The following ITFG1 variants were observed in gnomAD, a reference collection of about 807,000 sequenced individuals.
ITFG1 encodes the protein integrin alpha FG-GAP repeat containing 1.
Under a neutral mutation model 81.8 loss-of-function variants are expected in ITFG1, and 34 were observed. That is an observed-to-expected ratio of 0.42 (90% CI 0.32 to 0.55). ITFG1 has a LOEUF of 0.55. ITFG1 is among the 20% of genes least tolerant of loss of function. The probability of loss-of-function intolerance (pLI) is 0.17; values close to 1 mark genes in which losing one functional copy is unlikely to be tolerated. For missense variants in ITFG1, 672 were observed against 755.4 expected, an observed-to-expected ratio of 0.89 and a Z score of 1.29; for synonymous variants, 285 against 270.6, an observed-to-expected ratio of 1.05 and a Z score of -0.52.
intron 16 of ITFG1, among the ~76,000 whole-genome samples, chr16:47,159,887 T>C (rs1964773352): frequency 6.6e-6 from 1 of 152,110 alleles, no homozygotes; most frequent in African/African-American, 2.4e-5. Flanking sequence ...AACCTCAAAA[T>C]ACACCTCAAA....
intron 14 of ITFG1, among the ~76,000 whole-genome samples, chr16:47,208,118 C>T (rs1022940083): frequency 3.9e-5 from 6 of 152,158 alleles, no homozygotes; most frequent in African/African-American, 1.4e-4. Flanking sequence ...TATTCCACTA[C>T]CTTTAAAATA....
intron 7 of ITFG1, among the ~76,000 whole-genome samples, chr16:47,367,607 A>C (rs962218299): frequency 6.6e-6 from 1 of 152,236 alleles, no homozygotes; most frequent in Non-Finnish European, 1.5e-5. Context: ...TTGGTTTCTT[A>C]AGAAATCACT....
At chr16:47,311,167 T>C in intron 10 of ITFG1, 73 bp downstream of exon 10, 1 of 1,089,104 alleles carries the variant, frequency 9.2e-7, no homozygotes, top group Non-Finnish European at 1.3e-6. Flanking sequence ...ACTATTCAGT[T>C]GCAAAGTACC....
intron 7 of ITFG1, among the ~76,000 whole-genome samples, chr16:47,369,082 A>G (rs1177704160): frequency 6.6e-6 from 1 of 152,246 alleles, no homozygotes; most frequent in Non-Finnish European, 1.5e-5. Context: ...TTTAATATGT[A>G]ATGAAATGAT....
intron 8 of ITFG1, among the ~76,000 whole-genome samples, chr16:47,362,378 C>T (rs1968120722): frequency 6.6e-6 from 1 of 152,122 alleles, no homozygotes. Context: ...TATGCATATC[C>T]CACCAGACCA....
intron 12 of ITFG1, among the ~76,000 whole-genome samples, chr16:47,246,798 G>C (rs991402571): frequency 6.6e-6 from 1 of 152,094 alleles, no homozygotes; most frequent in Non-Finnish European, 1.5e-5. Flanking sequence ...AATCCTCTGT[G>C]ACCCACCCTT....
Position 47,161,745 on chromosome 16 carries a change from AT to A in ITFG1, c.1661+4del. 6.3e-7 allele frequency: 1 copy of A among 1,591,390 alleles called. No homozygotes were observed. The highest frequency in any genetic ancestry group is 8.6e-7 in the Non-Finnish European group (1 of 1,159,482). On this transcript the variant is annotated splice_donor_region_variant and intron_variant, in intron 16 of 17. Transcript: ENST00000320640. The stretch of plus-strand genomic sequence containing the variant: ...TTACCAAATCGGTTCAAGCAAGTAC[AT>A]TACCTTCGAGGGACATTGTGAGGGT...
intron 14 of ITFG1, among the ~76,000 whole-genome samples, chr16:47,212,377 C>G (rs1238843262): frequency 6.6e-6 from 1 of 152,048 alleles, no homozygotes; most frequent in African/African-American, 2.4e-5. Context: ...CTACATCTGG[C>G]TTATTTAAAA....
chr16:47,445,247 G>GAAAA lies in ITFG1; in HGVS notation c.560+6145_560+6148dup, dbSNP rs907756228. 4.5e-4 allele frequency among the ~76,000 whole-genome samples: 14 copies of GAAAA among 30,802 alleles called. 1 individual carries two copies. Among genetic ancestry groups the GAAAA allele is most frequent in the African/African-American group, 1.2e-3 (11 of 9,146 alleles). 20.2% of individuals were successfully genotyped at this position (30,802 alleles called of 152,430 possible). A position where few individuals can be genotyped will look rare whatever the true frequency, so the allele number is the denominator to read the frequency against. ...TTTGGGAGAGCGAGACTCCGTCTCA[G>GAAAA]AAAAAAAAAAAAAAAAAAAAAAAAA... is the stretch of plus-strand genomic sequence containing the variant. On this transcript the variant is annotated intron_variant, in intron 5 of 17. Transcript: ENST00000320640.
At chr16:47,402,834 G>A (rs1453869794) in intron 6 of ITFG1, among the ~76,000 whole-genome samples, 1 of 152,056 alleles carries the variant, frequency 6.6e-6, no homozygotes, top group African/African-American at 2.4e-5. Context: ...ATTATCTTGT[G>A]TGCTGAAATA....
At chr16:47,302,174 T>G (rs1278038141) in intron 10 of ITFG1, among the ~76,000 whole-genome samples, 2 of 152,204 alleles carry the variant, frequency 1.3e-5, no homozygotes, top group Non-Finnish European at 2.9e-5. Context: ...TCTTTAAGAC[T>G]CCTGCTCTCA....
intron 10 of ITFG1, among the ~76,000 whole-genome samples, chr16:47,291,220 A>G (rs956897803): frequency 3.3e-5 from 5 of 151,942 alleles, no homozygotes; most frequent in Non-Finnish European, 7.4e-5. Flanking sequence ...TTTTTCTTTC[A>G]GCACTTTGAA....
intron 14 of ITFG1, among the ~76,000 whole-genome samples, chr16:47,175,722 G>T (rs987960259): frequency 6.6e-6 from 1 of 152,182 alleles, no homozygotes; most frequent in African/African-American, 2.4e-5. Context: ...CCAGTCAAAG[G>T]TTCCAGCTAC....
chr16:47,420,186 T>C (rs527305494), intron 6 of ITFG1, among the ~76,000 whole-genome samples: 4 of 152,312 alleles, frequency 2.6e-5, no homozygotes, highest in East Asian at 1.9e-4. Context: ...TTGTATTCCA[T>C]TGTGGCATGA....
intron 14 of ITFG1, among the ~76,000 whole-genome samples, chr16:47,217,126 C>A: frequency 7.0e-6 from 1 of 142,910 alleles, no homozygotes; most frequent in Non-Finnish European, 1.5e-5. Flanking sequence ...GAGAGATGTA[C>A]ACAATGTATC....
chr16:47,338,665 TTTTTA>T (rs1034747552), intron 8 of ITFG1, among the ~76,000 whole-genome samples: 25 of 152,136 alleles, frequency 1.6e-4, no homozygotes, highest in African/African-American at 5.5e-4. Context: ...CTTTTTTTTT[TTTTTA>T]AATTTTTAAT....
At chr16:47,188,693 C>T (rs1014148904) in intron 14 of ITFG1, among the ~76,000 whole-genome samples, 3 of 150,804 alleles carry the variant, frequency 2.0e-5, no homozygotes, top group African/African-American at 7.3e-5. Context: ...GTGGGTGCAG[C>T]GCATCAGCAT....
chr16:47,187,472 T>C (rs1567418098), intron 14 of ITFG1, among the ~76,000 whole-genome samples: 1 of 152,124 alleles, frequency 6.6e-6, no homozygotes, highest in Non-Finnish European at 1.5e-5. Context: ...TCTACAACTA[T>C]CTCATCTTTG....
In ITFG1 at chr16:47,451,413, T is replaced by C; in HGVS notation, c.543A>G (p.Pro181=). ...TTACTCACCCTCCTAATAGTATCTG[T>C]GGCTGGTTGGATTCATTTGTGATAC... The part of the protein sequence containing the change: ...IFGITNESNQ[P]QILLGGNLSW... Residue 181 remains proline (P), a synonymous_variant, in exon 5 of 18, where the codon CCA becomes CCG. Coordinates refer to ENST00000320640, the MANE Select transcript of ITFG1 (RefSeq NM_030790.5). 1 of 1,574,898 alleles carries C rather than the reference T, an allele frequency of 6.3e-7. No homozygotes were observed. Among genetic ancestry groups the C allele is most frequent in the Non-Finnish European group, 8.7e-7 (1 of 1,145,080 alleles).
Sources: gnomAD v4.1 joint callset for allele counts (sites outside exome capture counted in the v4.1 genomes callset) on GRCh38, gnomAD v4.1.1 for gene constraint, MANE v1.5 for transcripts, NCBI Gene and HGNC (gene_info 2026-07-23, HGNC 2026-07-21) for gene names.